The following XRCC2 variants were observed in gnomAD, a reference collection of about 807,000 sequenced individuals.
XRCC2 encodes the protein DNA repair protein XRCC2.
XRCC2 carries 24 observed loss-of-function variants against 27.3 expected under a neutral mutation model. The observed-to-expected ratio is 0.88, with a 90% CI of 0.64 to 1.24. The LOEUF is 1.24. XRCC2 is among the 50% of genes most tolerant of loss of function. The pLI, the probability that XRCC2 is intolerant of heterozygous loss-of-function variation, is 0.00. For missense variants in XRCC2, 321 were observed against 325.8 expected (o/e 0.99, Z 0.11); for synonymous variants, 106 against 115.4 (o/e 0.92, Z 0.52).
intron 1 of XRCC2, among the ~76,000 whole-genome samples, chr7:152,664,415 T>C (rs1012554462): frequency 1.3e-5 from 2 of 152,226 alleles, no homozygotes; most frequent in East Asian, 3.9e-4. Context: ...AGTAGACTGA[T>C]TAAAAAGGAT....
intron 1 of XRCC2, among the ~76,000 whole-genome samples, chr7:152,662,963 T>C (rs894491938): frequency 2.0e-5 from 3 of 152,116 alleles, no homozygotes; most frequent in Admixed American, 6.5e-5. Flanking sequence ...AGGCGTTCGT[T>C]GAATTTCTGT....
intron 1 of XRCC2, chr7:152,663,935 T>G (rs3218453): frequency 6.6e-6 from 1 of 152,158 alleles, no homozygotes; most frequent in Non-Finnish European, 1.5e-5. Flanking sequence ...CATGCAGTGT[T>G]AGGCCAACCT....
intron 1 of XRCC2, 50 bp from the exon 2 acceptor site, chr7:152,660,832 C>A (rs777150872): frequency 2.1e-6 from 3 of 1,461,672 alleles, no homozygotes; most frequent in Non-Finnish European, 2.8e-6. Flanking sequence ...ATATAAAATC[C>A]TAGACATCTA....
intron 2 of XRCC2, among the ~76,000 whole-genome samples, chr7:152,655,899 C>A (rs2098030516): frequency 6.6e-6 from 1 of 152,020 alleles, no homozygotes; most frequent in African/African-American, 2.4e-5. Context: ...GTAATTCCAG[C>A]TATTTGGGAG....
chr7:152,660,860 G>A (rs966565466), intron 1 of XRCC2, 78 bp from the exon 2 acceptor site: 28 of 1,275,196 alleles, frequency 2.2e-5, no homozygotes, highest in Middle Eastern at 2.2e-4. Context: ...ACCATTTTCC[G>A]AAAGTCTGTA....
intron 2 of XRCC2, among the ~76,000 whole-genome samples, chr7:152,650,577 C>T (rs2098028097): frequency 6.6e-6 from 1 of 152,154 alleles, no homozygotes; most frequent in Non-Finnish European, 1.5e-5. Flanking sequence ...TTATTAGCCC[C>T]AACCAAATGA....
intron 2 of XRCC2, among the ~76,000 whole-genome samples, chr7:152,657,238 A>AG (rs1272395871): frequency 2.0e-5 from 3 of 150,970 alleles, no homozygotes; most frequent in South Asian, 2.1e-4. Context: ...TCCATCTAAA[A>AG]AAAAAAAAAA....
intron 1 of XRCC2, among the ~76,000 whole-genome samples, chr7:152,671,274 G>T (rs913042912): frequency 3.9e-5 from 6 of 152,102 alleles, no homozygotes; most frequent in African/African-American, 1.4e-4. Context: ...GAAAGCGTAA[G>T]AATAGTACAG....
intron 1 of XRCC2, among the ~76,000 whole-genome samples, chr7:152,668,057 T>C (rs1411530104): frequency 1.3e-5 from 2 of 150,142 alleles, no homozygotes; most frequent in East Asian, 2.0e-4. Context: ...CTTCTAAACA[T>C]AGGCAGAAAA....
At chr7:152,659,034 G>A (rs192301930) in intron 2 of XRCC2, among the ~76,000 whole-genome samples, 114 of 152,268 alleles carry the variant, frequency 7.5e-4, no homozygotes, top group Non-Finnish European at 8.8e-5. Flanking sequence ...TTAATTGTTT[G>A]AGGAACCTCC....
At position 152,647,761 on chromosome 7, in the gene XRCC2, G is replaced by GTTT. The variant is rs2098026673; in HGVS notation, c.*878_*880dup. The GTTT allele has an allele frequency of 6.6e-6, 1 of 152,142 alleles. No individual in the cohort carries two copies. The highest frequency in any genetic ancestry group is 2.4e-5 in the African/African-American group (1 of 41,432). The allele number at this position is 152,142 out of a possible 1,614,324, so 9.4% of individuals were successfully genotyped here. Reference sequence around the variant, plus strand: ...TATTCTGTTCCATCAGTCTACGTGTGTTTTTGTGCCAGTACTATGCTGTTT... The same window carrying GTTT: ...TATTCTGTTCCATCAGTCTACGTGTGTTTTTTTTGTGCCAGTACTATGCTGTTT... On this transcript the variant is annotated 3_prime_UTR_variant, in exon 3 of 3. Transcript: ENST00000359321.
At chr7:152,675,937 G>A in intron 1 of XRCC2, 104 bp downstream of exon 1, 1 of 1,511,184 alleles carries the variant, frequency 6.6e-7, no homozygotes. Flanking sequence ...GCCCGGCCAG[G>A]CCGCGCCGCC....
chr7:152,675,907 A>C, intron 1 of XRCC2, 134 bp downstream of exon 1: 1 of 1,199,650 alleles, frequency 8.3e-7, no homozygotes, highest in Non-Finnish European at 1.2e-6. Context: ...GCGGGCGTCT[A>C]GGCCGAGAGG....
At chr7:152,653,332 T>C (rs1303134255) in intron 2 of XRCC2, among the ~76,000 whole-genome samples, 1 of 152,154 alleles carries the variant, frequency 6.6e-6, no homozygotes, top group Non-Finnish European at 1.5e-5. Flanking sequence ...CTTTTGTAAA[T>C]TGCCCAGTCT....
chr7:152,670,521 A>G (rs2098037739), intron 1 of XRCC2, among the ~76,000 whole-genome samples: 1 of 152,184 alleles, frequency 6.6e-6, no homozygotes, highest in East Asian at 1.9e-4. Flanking sequence ...CATCCTTATG[A>G]CTACCATCAA....
At chr7:152,663,346 TAAAAAAAAA>T (rs530664762) in intron 1 of XRCC2, among the ~76,000 whole-genome samples, 37 of 80,912 alleles carry the variant, frequency 4.6e-4, no homozygotes, top group East Asian at 1.6e-3. Flanking sequence ...GTCTTTGAAG[TAAAAAAAAA>T]AAAAAAAAAA....
At chr7:152,656,972 C>T (rs1035646797) in intron 2 of XRCC2, among the ~76,000 whole-genome samples, 1 of 152,224 alleles carries the variant, frequency 6.6e-6, no homozygotes, top group South Asian at 2.1e-4. Context: ...TATGGTGGCT[C>T]ACCTCTGTAA....
intron 1 of XRCC2, among the ~76,000 whole-genome samples, chr7:152,663,302 C>G (rs931298395): frequency 1.5e-5 from 2 of 130,030 alleles, no homozygotes; most frequent in African/African-American, 5.7e-5. Flanking sequence ...ACTACCTGCA[C>G]TCAGGCAGAA....
intron 2 of XRCC2, among the ~76,000 whole-genome samples, chr7:152,656,674 T>C (rs1199067776): frequency 6.6e-6 from 1 of 152,218 alleles, no homozygotes; most frequent in Non-Finnish European, 1.5e-5. Flanking sequence ...GTAGAAGTTG[T>C]TCCACAAACC....
Sources: allele counts gnomAD v4.1 joint callset (sites outside exome capture counted in the v4.1 genomes callset), GRCh38; gene constraint gnomAD v4.1.1; transcripts MANE v1.5; gene names NCBI Gene and HGNC (gene_info 2026-07-23, HGNC 2026-07-21).